The following STARD13 variants were observed in gnomAD, a reference collection of about 807,000 sequenced individuals.
The protein encoded by STARD13 is StAR related lipid transfer domain containing 13.
In STARD13, 62 loss-of-function variants were observed where a neutral mutation model predicts 106.4. The ratio of observed to expected loss-of-function variants is 0.58; its 90% CI spans 0.48 to 0.72. STARD13 has a LOEUF of 0.72. STARD13 is among the 30% of genes least tolerant of loss of function. The pLI is 0.00. For missense variants in STARD13, 1,387 were observed against 1,424.0 expected, an observed-to-expected ratio of 0.97 and a Z score of 0.42; for synonymous variants, 565 against 553.0, an observed-to-expected ratio of 1.02 and a Z score of -0.31.
At chr13:33,430,768 A>T in the STARD13 span, among the ~76,000 whole-genome samples, 1 of 152,242 alleles carries the variant, frequency 6.6e-6, no homozygotes, top group Non-Finnish European at 1.5e-5. Context: ...ATTTGCAGTA[A>T]CATAGATGGA....
chr13:33,130,053 A>T lies in STARD13; in HGVS notation c.624T>A (p.Ser208Arg). 2 of 1,613,746 alleles carry T rather than the reference A, an allele frequency of 1.2e-6. No homozygotes were observed. The highest frequency in any genetic ancestry group is 1.7e-6 in the Non-Finnish European group (2 of 1,179,940). ...IHSESSGGSD[S>R]RSQPGQCCTD... ...TACAGCACTGGCCCGGCTGGCTGCG[A>T]CTGTCGCTGCCTCCACTGCTTTCGC... is the stretch of plus-strand genomic sequence containing the variant. Residue 208 changes from serine (S) to arginine (R), a missense_variant, in exon 5 of 14, where the codon AGT becomes AGA. Ser to Arg is a moderately radical substitution (Grantham distance 110). Coordinates refer to ENST00000336934, the MANE Select transcript of STARD13 (RefSeq NM_178006.4). The surrounding 1 kb of genome is among the most constrained non-coding windows in gnomAD (Gnocchi z 4.1).
At chr13:33,231,525 G>A (rs1301769449) in intron 1 of STARD13, among the ~76,000 whole-genome samples, 1 of 152,180 alleles carries the variant, frequency 6.6e-6, no homozygotes, top group African/African-American at 2.4e-5. Context: ...GACTGGAGGA[G>A]GGGCAGATTT....
At chr13:33,227,068 C>A (rs1292606389) in intron 1 of STARD13, among the ~76,000 whole-genome samples, 11 of 152,134 alleles carry the variant, frequency 7.2e-5, no homozygotes, top group Non-Finnish European at 1.6e-4. Flanking sequence ...GTGTTTTCAG[C>A]AAAGCAAACT....
intron 12 of STARD13, among the ~76,000 whole-genome samples, chr13:33,107,667 A>G (rs1873955683): frequency 6.6e-6 from 1 of 152,126 alleles, no homozygotes; most frequent in Non-Finnish European, 1.5e-5. Flanking sequence ...GGAGAGAAGC[A>G]CTGTCTAACA....
chr13:33,197,416 T>TTTGTGTG (rs1555246460), intron 1 of STARD13, among the ~76,000 whole-genome samples: 1 of 148,026 alleles, frequency 6.8e-6, no homozygotes, highest in East Asian at 2.0e-4. Flanking sequence ...AGGAAGAGAG[T>TTTGTGTG]TGTGTGTGTG....
chr13:33,190,689 C>T (rs140053313), intron 1 of STARD13, among the ~76,000 whole-genome samples: 2 of 151,500 alleles, frequency 1.3e-5, no homozygotes. Flanking sequence ...AGGGTTCAAG[C>T]GATTCTTCTG....
chr13:33,548,095 C>T, the STARD13 span, among the ~76,000 whole-genome samples: 2 of 152,012 alleles, frequency 1.3e-5, no homozygotes, highest in Admixed American at 1.3e-4. Flanking sequence ...CTTTCTTTTA[C>T]AATATAGTTT....
Position 33,214,576 on chromosome 13 carries a change from T to C in STARD13, c.170-46954A>G, listed in dbSNP as rs1887915438. ...CCGAGTGATAAGTGCATCTGCCAGC[T>C]CCACAACCTTTCAGTGACTTCAGAA... is the stretch of plus-strand genomic sequence containing the variant. On this transcript the variant is annotated intron_variant, in intron 1 of 13. Transcript: ENST00000336934. Among the ~76,000 whole-genome samples, 3 of 152,100 alleles carry C rather than the reference T, an allele frequency of 2.0e-5. No individual in the cohort carries two copies. The South Asian group carries it at 6.2e-4, about 32-fold the overall frequency.
Position 33,314,311 on chromosome 13 carries a change from C to G in STARD13, c.124+35979G>C, listed in dbSNP as rs562761771. 2.0e-5 allele frequency among the ~76,000 whole-genome samples: 3 copies of G among 152,274 alleles called. No individual in the cohort carries two copies. In the East Asian group the frequency reaches 5.8e-4, roughly 29 times the overall value. On this transcript the variant is annotated intron_variant, in intron 1 of 5. Coordinates refer to the STARD13 transcript ENST00000567873. ...CATAGTGGGCAAAACCCAGTGATGGCTAACTCAAGGGCAACAGACAAAGCA... is the reference window on the plus strand; with the variant it reads ...CATAGTGGGCAAAACCCAGTGATGGGTAACTCAAGGGCAACAGACAAAGCA...
chr13:33,206,710 C>A (rs533724465), intron 1 of STARD13, among the ~76,000 whole-genome samples: 5 of 152,292 alleles, frequency 3.3e-5, no homozygotes, highest in African/African-American at 9.6e-5. Flanking sequence ...GACTGTGGAA[C>A]AATCAGTCTG....
At chr13:33,664,692 T>A in the STARD13 span, among the ~76,000 whole-genome samples, 148 of 152,336 alleles carry the variant, frequency 9.7e-4, no homozygotes, top group African/African-American at 3.4e-3. Flanking sequence ...AGTAGCCCAA[T>A]TTCAGCTCAC....
chr13:33,437,298 C>T, the STARD13 span, among the ~76,000 whole-genome samples: 6 of 152,278 alleles, frequency 3.9e-5, no homozygotes, highest in Middle Eastern at 3.4e-3. Flanking sequence ...CAATCGATCA[C>T]GACCCTCTCA....
the STARD13 span, among the ~76,000 whole-genome samples, chr13:33,538,400 C>T: frequency 4.6e-5 from 7 of 152,040 alleles, no homozygotes; most frequent in South Asian, 2.1e-4. Flanking sequence ...TCAGGGCCCA[C>T]GAAAGAGGGA....
At chr13:33,566,203 G>C in the STARD13 span, among the ~76,000 whole-genome samples, 1 of 148,366 alleles carries the variant, frequency 6.7e-6, no homozygotes, top group Non-Finnish European at 1.5e-5. Flanking sequence ...CATTCACATA[G>C]TATGCAGGAT....
At chr13:33,545,855 C>T in the STARD13 span, among the ~76,000 whole-genome samples, 1 of 152,244 alleles carries the variant, frequency 6.6e-6, no homozygotes, top group African/African-American at 2.4e-5. Flanking sequence ...GAAATAGCTG[C>T]TGGTACCATG....
intron 1 of STARD13, among the ~76,000 whole-genome samples, chr13:33,182,110 T>TACACAC (rs920526600): frequency 2.0e-5 from 3 of 152,236 alleles, no homozygotes; most frequent in African/African-American, 7.2e-5. Context: ...ACCACACATG[T>TACACAC]ACACACATCA....
the STARD13 span, among the ~76,000 whole-genome samples, chr13:33,553,795 G>A: frequency 6.6e-6 from 1 of 151,818 alleles, no homozygotes; most frequent in Non-Finnish European, 1.5e-5. Context: ...GGCCAGGATG[G>A]TCTCGATGTG....
chr13:33,562,456 C>CAT, the STARD13 span, among the ~76,000 whole-genome samples: 1 of 146,746 alleles, frequency 6.8e-6, no homozygotes, highest in Admixed American at 7.0e-5. Flanking sequence ...AGGAAACCTT[C>CAT]CTGGACTCCC....
In STARD13 at chr13:33,104,069, T is replaced by A. The variant is rs1184190268; in HGVS notation, c.*1524A>T. 2 of 152,210 alleles carry A rather than the reference T, an allele frequency of 1.3e-5. No individual in the cohort carries two copies. 9.4% of individuals were successfully genotyped at this position (152,210 alleles called of 1,614,324 possible). On this transcript the variant is annotated 3_prime_UTR_variant, in exon 14 of 14. Transcript: ENST00000336934. ...AACAGAAACATTACATAAATGCATA[T>A]AATGCAAAAAAACCTGAAAACACTC...
Sources: gnomAD v4.1 joint callset for allele counts (sites outside exome capture counted in the v4.1 genomes callset) on GRCh38, gnomAD v4.1.1 for gene constraint, Gnocchi (gnomAD v3.1) non-coding constraint, MANE v1.5 for transcripts, NCBI Gene and HGNC (gene_info 2026-07-23, HGNC 2026-07-21) for gene names.